The following STXBP5L variants were observed in gnomAD, a reference collection of about 807,000 sequenced individuals.
STXBP5L encodes the protein syntaxin binding protein 5L, also known as syntaxin-binding protein 5-like.
Under a neutral mutation model 144.5 loss-of-function variants are expected in STXBP5L, and 65 were observed. The ratio of observed to expected loss-of-function variants is 0.45; its 90% CI spans 0.37 to 0.55. The LOEUF is 0.55. Among genes scored for constraint, STXBP5L ranks in the 20% least tolerant of loss-of-function variants. The pLI is 0.00. For missense variants in STXBP5L, 1,298 were observed against 1,405.5 expected, an observed-to-expected ratio of 0.92 and a Z score of 1.22; for synonymous variants, 505 against 469.6, an observed-to-expected ratio of 1.08 and a Z score of -0.97.
chr3:120,937,130 T>C (rs1341975038), intron 2 of STXBP5L, among the ~76,000 whole-genome samples: 3 of 152,200 alleles, frequency 2.0e-5, no homozygotes, highest in Admixed American at 6.5e-5. Flanking sequence ...TTGGTTAGGC[T>C]GTGTGTAAAA....
At chr3:121,218,193 A>T (rs1371163353) in intron 10 of STXBP5L, among the ~76,000 whole-genome samples, 1 of 142,580 alleles carries the variant, frequency 7.0e-6, no homozygotes, top group Non-Finnish European at 1.5e-5. Context: ...ATGATATAGT[A>T]TATATATTAC....
chr3:121,139,278 A>T (rs1429967767), intron 7 of STXBP5L, among the ~76,000 whole-genome samples: 1 of 152,124 alleles, frequency 6.6e-6, no homozygotes, highest in African/African-American at 2.4e-5. Flanking sequence ...ATTTAAGGTG[A>T]TGGATATGCT....
chr3:121,345,168 C>T (rs898341148), intron 20 of STXBP5L, among the ~76,000 whole-genome samples: 4 of 152,018 alleles, frequency 2.6e-5, no homozygotes, highest in African/African-American at 9.7e-5. Flanking sequence ...CAGCCCCCCA[C>T]TCCCTGACAG....
intron 22 of STXBP5L, among the ~76,000 whole-genome samples, chr3:121,404,725 C>T (rs1414218441): frequency 6.6e-6 from 1 of 152,066 alleles, no homozygotes; most frequent in Non-Finnish European, 1.5e-5. Context: ...ACTCCTGGCT[C>T]AGGGACAAAG....
chr3:121,413,446 GA>G (rs2047165368), intron 24 of STXBP5L, 123 bp downstream of exon 24: 1 of 831,272 alleles, frequency 1.2e-6, no homozygotes, highest in African/African-American at 1.8e-5. Flanking sequence ...AACATGTTTT[GA>G]ATATATATTC....
chr3:120,934,538 T>C (rs1710153558), intron 2 of STXBP5L, among the ~76,000 whole-genome samples: 1 of 152,098 alleles, frequency 6.6e-6, no homozygotes. Context: ...TAACTTTTAC[T>C]ATATCTTTAC....
At chr3:121,364,882 A>T (rs2045820140) in intron 20 of STXBP5L, among the ~76,000 whole-genome samples, 1 of 151,712 alleles carries the variant, frequency 6.6e-6, no homozygotes. Context: ...ATATTGAGAT[A>T]ATTTCTTTCT....
intron 9 of STXBP5L, among the ~76,000 whole-genome samples, chr3:121,197,223 T>TA (rs895363746): frequency 1.3e-5 from 2 of 152,196 alleles, no homozygotes; most frequent in African/African-American, 2.4e-5. Flanking sequence ...TGGTTTGCTT[T>TA]AAACTTTTTT....
chr3:121,201,559 G>T (rs1310518780), intron 9 of STXBP5L, among the ~76,000 whole-genome samples: 3 of 151,926 alleles, frequency 2.0e-5, no homozygotes, highest in Admixed American at 6.6e-5. Context: ...TAATTATGAC[G>T]CTAGCTGGTT....
chr3:121,149,155 C>T (rs1388195591), intron 7 of STXBP5L, among the ~76,000 whole-genome samples: 3 of 151,814 alleles, frequency 2.0e-5, no homozygotes, highest in South Asian at 2.1e-4. Context: ...TGTTTTTTAA[C>T]GTGGATTGTA....
At chr3:121,130,573 C>T (rs2044936914) in intron 7 of STXBP5L, among the ~76,000 whole-genome samples, 1 of 152,086 alleles carries the variant, frequency 6.6e-6, no homozygotes, top group Non-Finnish European at 1.5e-5. Context: ...ATGCCTGCTT[C>T]ATAGACAAGT....
In STXBP5L at chr3:121,157,593, C is replaced by T. The variant is rs1164489313; in HGVS notation, c.843C>T (p.Ser281=). ...DGSLTLWNLK[S]PSRPFQTTIP... ...GTTTGACTTTATGGAACCTGAAAAG[C>T]CCAAGTCGCCCTTTCCAGACCACAA... is the stretch of plus-strand genomic sequence containing the variant. Residue 281 remains serine, a synonymous_variant, in exon 9 of 27, where the codon AGC becomes AGT. Coordinates refer to ENST00000471454, the MANE Select transcript of STXBP5L (RefSeq NM_001308330.2). 1 of 1,604,426 alleles carries T rather than the reference C, an allele frequency of 6.2e-7. No homozygotes were observed. Among genetic ancestry groups the T allele is most frequent in the Non-Finnish European group, 8.5e-7 (1 of 1,175,982 alleles).
chr3:121,188,628 T>A (rs1305700983), intron 9 of STXBP5L, among the ~76,000 whole-genome samples: 1 of 152,144 alleles, frequency 6.6e-6, no homozygotes, highest in Non-Finnish European at 1.5e-5. Context: ...GTGGGCTTCA[T>A]CCCTGGGATG....
chr3:120,973,875 T>C (rs1396437790), intron 3 of STXBP5L, among the ~76,000 whole-genome samples: 1 of 152,114 alleles, frequency 6.6e-6, no homozygotes, highest in Non-Finnish European at 1.5e-5. Flanking sequence ...CATGAACTCA[T>C]CCTTTTTATG....
chr3:121,370,739 A>T (rs907108097), intron 20 of STXBP5L, among the ~76,000 whole-genome samples: 3 of 152,038 alleles, frequency 2.0e-5, no homozygotes, highest in African/African-American at 7.3e-5. Flanking sequence ...TTCTGACTCT[A>T]TTATTTCAGA....
intron 2 of STXBP5L, among the ~76,000 whole-genome samples, chr3:120,932,339 C>T (rs1430943204): frequency 1.3e-5 from 2 of 152,156 alleles, no homozygotes; most frequent in African/African-American, 2.4e-5. Context: ...TTCTTTCCCT[C>T]TCCACTTTGA....
intron 7 of STXBP5L, among the ~76,000 whole-genome samples, chr3:121,150,687 A>G (rs1039253620): frequency 2.2e-4 from 34 of 152,126 alleles, no homozygotes; most frequent in African/African-American, 7.7e-4. Context: ...AAATTTAGAA[A>G]GATTATATTA....
At chr3:121,345,471 G>A (rs1043306646) in intron 20 of STXBP5L, among the ~76,000 whole-genome samples, 5 of 151,996 alleles carry the variant, frequency 3.3e-5, no homozygotes, top group Admixed American at 1.3e-4. Flanking sequence ...ATAAACATAC[G>A]TGTGCATATG....
intron 3 of STXBP5L, among the ~76,000 whole-genome samples, chr3:120,973,157 T>C (rs1940478691): frequency 3.3e-5 from 5 of 152,154 alleles, no homozygotes; most frequent in Admixed American, 3.3e-4. Flanking sequence ...TAAGTTCTTT[T>C]TTGTAAATGT....
Sources: allele counts gnomAD v4.1 joint callset (sites outside exome capture counted in the v4.1 genomes callset), GRCh38; gene constraint gnomAD v4.1.1; transcripts MANE v1.5; gene names NCBI Gene and HGNC (gene_info 2026-07-23, HGNC 2026-07-21).